Variants in DHRSX observed in about 807,000 individuals in gnomAD.
DHRSX encodes dehydrogenase/reductase X-linked.
A neutral mutation model predicts 34.0 loss-of-function variants in DHRSX; 31 were observed. The observed-to-expected ratio is 0.91, with a 90% confidence interval of 0.69 to 1.23. DHRSX has a LOEUF of 1.23. Ranked by LOEUF, DHRSX falls within the 50% of genes most tolerant of loss-of-function variation. DHRSX has a pLI of 0.00. For missense variants in DHRSX, 414 were observed against 428.1 expected, an observed-to-expected ratio of 0.97 and a Z score of 0.29; for synonymous variants, 201 against 183.8, an observed-to-expected ratio of 1.09 and a Z score of -0.76.
At chrX:2,455,047 G>T (rs1186147526) in intron 1 of DHRSX, among the ~76,000 whole-genome samples, 1 of 151,740 alleles carries the variant, frequency 6.6e-6, no homozygotes, top group Non-Finnish European at 1.5e-5. Flanking sequence ...GGGAGCCAGA[G>T]GTTGCGGTGA....
At chrX:2,364,004 C>T (rs1254853266) in intron 3 of DHRSX, among the ~76,000 whole-genome samples, 4 of 151,802 alleles carry the variant, frequency 2.6e-5, no homozygotes, top group Non-Finnish European at 4.4e-5. Context: ...GGGAGGAGAC[C>T]CCTGATCCAC....
At chrX:2,313,050 T>C in intron 3 of DHRSX, among the ~76,000 whole-genome samples, 1 of 151,786 alleles carries the variant, frequency 6.6e-6, no homozygotes. Context: ...TTGCCCAGGC[T>C]GGAGTGCAGT....
chrX:2,242,468 G>A (rs2016163206), intron 6 of DHRSX, among the ~76,000 whole-genome samples: 1 of 152,226 alleles, frequency 6.6e-6, no homozygotes, highest in African/African-American at 2.4e-5. Flanking sequence ...TCTTGAATAG[G>A]GGCTGGGTAA....
At chrX:2,414,594 T>C (rs1418229968) in intron 2 of DHRSX, among the ~76,000 whole-genome samples, 1 of 151,800 alleles carries the variant, frequency 6.6e-6, no homozygotes, top group Non-Finnish European at 1.5e-5. Flanking sequence ...CCTCATGACA[T>C]AATCCAACAA....
At chrX:2,225,912 A>C (rs1370756595) in intron 6 of DHRSX, among the ~76,000 whole-genome samples, 5 of 152,008 alleles carry the variant, frequency 3.3e-5, no homozygotes, top group Non-Finnish European at 7.4e-5. Flanking sequence ...ATGGACTGAG[A>C]CAGCTCATAA....
At chrX:2,470,972 AAT>A (rs1228574922) in intron 1 of DHRSX, among the ~76,000 whole-genome samples, 9 of 152,206 alleles carry the variant, frequency 5.9e-5, no homozygotes, top group African/African-American at 9.7e-5. Flanking sequence ...CCTGATTATT[AAT>A]ATGTTAGTTA....
intron 3 of DHRSX, among the ~76,000 whole-genome samples, chrX:2,335,593 G>C (rs2042549059): frequency 1.3e-5 from 2 of 151,822 alleles, no homozygotes; most frequent in Admixed American, 1.3e-4. Flanking sequence ...CGGGACTACA[G>C]GTGCCCGCCA....
intron 3 of DHRSX, among the ~76,000 whole-genome samples, chrX:2,383,388 C>T (rs2043236194): frequency 6.6e-6 from 1 of 151,774 alleles, no homozygotes. Flanking sequence ...TCATCACCAT[C>T]GTCATGATCA....
intron 1 of DHRSX, among the ~76,000 whole-genome samples, chrX:2,485,855 AAAG>A (rs1210645311): frequency 2.7e-5 from 3 of 109,650 alleles, no homozygotes; most frequent in Non-Finnish European, 5.5e-5. Context: ...GGAGAGAAAG[AAAG>A]AAGGGAAGGG....
intron 3 of DHRSX, among the ~76,000 whole-genome samples, chrX:2,303,837 ATGGATGGATGGATGGG>A (rs2042049580): frequency 2.7e-5 from 2 of 73,800 alleles, no homozygotes; most frequent in Admixed American, 1.5e-4. Flanking sequence ...GGGTGGATGG[ATGGATGGATGGATGGG>A]TGGATGGGTG....
chrX:2,362,746 C>G (rs1384784331), intron 3 of DHRSX, among the ~76,000 whole-genome samples: 1 of 151,818 alleles, frequency 6.6e-6, no homozygotes, highest in African/African-American at 2.4e-5. Context: ...TATCACCGTT[C>G]TATGGTATCA....
intron 6 of DHRSX, among the ~76,000 whole-genome samples, chrX:2,231,423 C>A (rs1264139379): frequency 1.4e-4 from 22 of 151,822 alleles, no homozygotes; most frequent in Non-Finnish European, 2.6e-4. Flanking sequence ...TTTGCTTCCT[C>A]TTCCTTTTTC....
At chrX:2,432,620 T>C (rs5982581) in intron 1 of DHRSX, among the ~76,000 whole-genome samples, 15,870 of 152,128 alleles carry the variant, frequency 0.1, 1,395 homozygotes, top group African/African-American at 0.24. Flanking sequence ...TAAACCGTGT[T>C]GGGGCACGTG....
chrX:2,263,385 T>C (rs1369243857), intron 5 of DHRSX, among the ~76,000 whole-genome samples: 1 of 152,156 alleles, frequency 6.6e-6, no homozygotes, highest in Non-Finnish European at 1.5e-5. Flanking sequence ...GAAGGTGCCA[T>C]GTGTGAACCA....
chrX:2,266,966 CAGA>C lies in DHRSX; in HGVS notation c.389-22_389-20del. 6.2e-7 allele frequency: 1 copy of C among 1,612,886 alleles called. No homozygotes were observed. Among genetic ancestry groups the C allele is most frequent in the Non-Finnish European group, 8.5e-7 (1 of 1,178,874 alleles). On this transcript the variant is annotated intron_variant, in intron 4 of 6. Transcript: ENST00000334651. ...ACCCCAGCTGGACAAAAGAGAATAT[CAGA>C]AGGAGTTAGACTGGGGAAGACAGTG... is the stretch of plus-strand genomic sequence containing the variant.
intron 3 of DHRSX, among the ~76,000 whole-genome samples, chrX:2,294,337 A>T (rs2041904470): frequency 6.6e-6 from 1 of 152,110 alleles, no homozygotes; most frequent in African/African-American, 2.4e-5. Flanking sequence ...TGAGGTCAGG[A>T]CTTTGAGACC....
At chrX:2,345,539 C>T (rs777952531) in intron 3 of DHRSX, among the ~76,000 whole-genome samples, 122 of 150,668 alleles carry the variant, frequency 8.1e-4, no homozygotes, top group African/African-American at 2.3e-3. Context: ...CACAACTACT[C>T]GGGAGGATGA....
chrX:2,473,362 G>C (rs761990985), intron 1 of DHRSX, among the ~76,000 whole-genome samples: 3 of 152,134 alleles, frequency 2.0e-5, no homozygotes, highest in African/African-American at 7.2e-5. Context: ...GGGGGCTCAC[G>C]CCTGTCATCC....
At chrX:2,431,155 C>A (rs2043915655) in intron 1 of DHRSX, among the ~76,000 whole-genome samples, 1 of 152,134 alleles carries the variant, frequency 6.6e-6, no homozygotes, top group African/African-American at 2.4e-5. Context: ...GAAACCCGGT[C>A]TCTACTAAAA....
Sources: allele counts gnomAD v4.1 joint callset (sites outside exome capture counted in the v4.1 genomes callset), GRCh38; gene constraint gnomAD v4.1.1; transcripts MANE v1.5; gene names NCBI Gene and HGNC (gene_info 2026-07-23, HGNC 2026-07-21).